Variants in PRKCA observed in about 807,000 individuals in gnomAD.
The protein encoded by PRKCA is protein kinase C alpha, also known as protein kinase C alpha type.
A neutral mutation model predicts 87.0 loss-of-function variants in PRKCA; 27 were observed. That is an observed-to-expected ratio of 0.31 (90% CI 0.23 to 0.43). PRKCA has a LOEUF of 0.43. Ranked by LOEUF, PRKCA falls within the 20% of genes least tolerant of loss-of-function variation. The pLI is 1.00. For missense variants in PRKCA, 518 were observed against 852.3 expected (o/e 0.61, Z 4.88); for synonymous variants, 329 against 311.1 (o/e 1.06, Z -0.61).
intron 13 of PRKCA, among the ~76,000 whole-genome samples, chr17:66,766,453 A>G (rs1974813574): frequency 6.6e-6 from 1 of 152,182 alleles, no homozygotes; most frequent in South Asian, 2.1e-4. Flanking sequence ...TGTAGAATAT[A>G]GGATAGGAAA....
At chr17:66,396,790 C>G (rs747848124) in intron 2 of PRKCA, among the ~76,000 whole-genome samples, 1 of 150,572 alleles carries the variant, frequency 6.6e-6, no homozygotes, top group Admixed American at 6.6e-5. Context: ...CACCATGCCT[C>G]GCCCTGTCAT....
At chr17:66,318,540 G>A (rs574776647) in intron 2 of PRKCA, among the ~76,000 whole-genome samples, 5 of 152,148 alleles carry the variant, frequency 3.3e-5, no homozygotes, top group Admixed American at 3.3e-4. Flanking sequence ...GCTGGAGCGG[G>A]AATAGTTGGT....
intron 8 of PRKCA, among the ~76,000 whole-genome samples, chr17:66,719,711 A>G (rs1973565583): frequency 6.6e-6 from 1 of 152,206 alleles, no homozygotes. Flanking sequence ...AGGTTGCAGC[A>G]AGCCAAGATC....
rs542563235 is a variant in PRKCA, at chr17:66,775,783, T to C, written c.1605+1716T>C. Reference sequence around the variant, plus strand: ...GTATTTATTCACTGAATGCTTACAATGTGCATGGCCATAAGGATGAACAAA... The same window carrying C: ...GTATTTATTCACTGAATGCTTACAACGTGCATGGCCATAAGGATGAACAAA... On this transcript the variant is annotated intron_variant, in intron 14 of 16. Transcript: ENST00000413366. 5 of 982,662 alleles carry C rather than the reference T, an allele frequency of 5.1e-6. No individual in the cohort carries two copies. In the South Asian group the frequency reaches 1.9e-4, roughly 37 times the overall value. 60.9% of individuals were successfully genotyped at this position (982,662 alleles called of 1,614,324 possible).
intron 5 of PRKCA, among the ~76,000 whole-genome samples, chr17:66,656,987 C>A (rs191242834): frequency 6.6e-6 from 1 of 152,316 alleles, no homozygotes; most frequent in Admixed American, 6.5e-5. Flanking sequence ...CATGTATACA[C>A]CTGCTCTGAT....
chr17:66,379,640 C>T (rs552057452), intron 2 of PRKCA, among the ~76,000 whole-genome samples: 11 of 152,038 alleles, frequency 7.2e-5, no homozygotes, highest in African/African-American at 2.4e-4. Context: ...TTTGCCTGTT[C>T]GGTTTTGGAT....
intron 5 of PRKCA, among the ~76,000 whole-genome samples, chr17:66,655,820 T>C (rs368646915): frequency 1.3e-5 from 2 of 151,876 alleles, no homozygotes; most frequent in African/African-American, 4.8e-5. Flanking sequence ...TACATCTGGA[T>C]CAAGTTAAAA....
Position 66,587,893 on chromosome 17 carries a change from GTGTATATA to G in PRKCA, c.289-53460_289-53453del, listed in dbSNP as rs1288629466. Among the ~76,000 whole-genome samples, 69 of 51,630 alleles carry G rather than the reference GTGTATATA, an allele frequency of 1.3e-3. 6 individuals are homozygous for G. The highest frequency in any genetic ancestry group is 4.7e-3 in the African/African-American group (62 of 13,204). 33.9% of individuals were successfully genotyped at this position (51,630 alleles called of 152,430 possible). A position where few individuals can be genotyped will look rare whatever the true frequency, so the allele number is the denominator to read the frequency against. Reference sequence around the variant, plus strand: ...TATGTGTGTGTGTGTGTGTGTGTGTGTGTATATATATATATATATATATATATATATAT... The same window carrying G: ...TATGTGTGTGTGTGTGTGTGTGTGTGTATATATATATATATATATATATAT... On this transcript the variant is annotated intron_variant, in intron 3 of 16. Transcript: ENST00000413366.
Position 66,534,196 on chromosome 17 carries a change from G to A in PRKCA, c.288+37913G>A, listed in dbSNP as rs182280913. 6.4e-3 allele frequency among the ~76,000 whole-genome samples: 974 copies of A among 152,046 alleles called. 30 individuals carry two copies. The highest frequency in any genetic ancestry group is 0.055 in the Admixed American group (843 of 15,262). Reference sequence around the variant, plus strand: ...GTTTTTGTATTTGCATATTCCCCTCGGGTAGGAACTGGGTCAGTTATTATT... The same window carrying A: ...GTTTTTGTATTTGCATATTCCCCTCAGGTAGGAACTGGGTCAGTTATTATT... On this transcript the variant is annotated intron_variant, in intron 3 of 16. Transcript: ENST00000413366.
chr17:66,536,729 C>A (rs1967799298), intron 3 of PRKCA, among the ~76,000 whole-genome samples: 1 of 152,206 alleles, frequency 6.6e-6, no homozygotes, highest in Non-Finnish European at 1.5e-5. Flanking sequence ...ACGAGACAGG[C>A]TCCAACTGCT....
intron 3 of PRKCA, among the ~76,000 whole-genome samples, chr17:66,498,384 C>T (rs537087180): frequency 6.6e-6 from 1 of 152,296 alleles, no homozygotes; most frequent in South Asian, 2.1e-4. Flanking sequence ...CTTCTCTTCT[C>T]TCTCCTCCCA....
intron 2 of PRKCA, among the ~76,000 whole-genome samples, chr17:66,377,716 TA>T (rs1387329379): frequency 0.024 from 1,617 of 66,134 alleles, 41 homozygotes; most frequent in African/African-American, 0.041. Context: ...TATATATATA[TA>T]TATATTTTTT....
intron 8 of PRKCA, among the ~76,000 whole-genome samples, chr17:66,705,926 C>A (rs1451393176): frequency 6.6e-6 from 1 of 152,116 alleles, no homozygotes; most frequent in Non-Finnish European, 1.5e-5. Flanking sequence ...AAAAAACATG[C>A]CCTACAGAGA....
intron 16 of PRKCA, among the ~76,000 whole-genome samples, chr17:66,790,105 G>A (rs1340080319): frequency 6.6e-6 from 1 of 152,188 alleles, no homozygotes; most frequent in Non-Finnish European, 1.5e-5. Context: ...CCTCTGACAG[G>A]TGCCCCATGA....
Position 66,804,912 on chromosome 17 carries a change from C to T in PRKCA, c.*875C>T, listed in dbSNP as rs1975994933. 3.6e-6 allele frequency: 3 copies of T among 837,580 alleles called. No individual in the cohort carries two copies. The highest frequency in any genetic ancestry group is 3.9e-5 in the African/African-American group (2 of 51,606). The allele number at this position is 837,580 out of a possible 1,614,324, so 51.9% of individuals were successfully genotyped here. ...CTCACCAGTGTTGTTCACCAACACC[C>T]ACCCCCACACACACCAACATTTTGC... On this transcript the variant is annotated 3_prime_UTR_variant, in exon 17 of 17. Coordinates refer to ENST00000413366, the MANE Select transcript of PRKCA (RefSeq NM_002737.3).
At chr17:66,418,996 G>A (rs189306522) in intron 2 of PRKCA, among the ~76,000 whole-genome samples, 4 of 150,882 alleles carry the variant, frequency 2.7e-5, no homozygotes, top group African/African-American at 9.8e-5. Context: ...TCCTGACCTC[G>A]TGATCGCCCA....
At chr17:66,731,982 G>A (rs1423722516) in intron 8 of PRKCA, among the ~76,000 whole-genome samples, 1 of 151,262 alleles carries the variant, frequency 6.6e-6, no homozygotes, top group Non-Finnish European at 1.5e-5. Context: ...TAGAGACGGG[G>A]TTTCACCATG....
intron 3 of PRKCA, among the ~76,000 whole-genome samples, chr17:66,534,904 A>T (rs1447422783): frequency 2.0e-5 from 3 of 152,150 alleles, no homozygotes; most frequent in African/African-American, 4.8e-5. Context: ...GAGATTTCTG[A>T]TTGGAATATA....
Position 66,438,065 on chromosome 17 carries a change from A to C in PRKCA, c.206-58136A>C, listed in dbSNP as rs190869798. Among the ~76,000 whole-genome samples, 110 of 152,136 alleles carry C rather than the reference A, an allele frequency of 7.2e-4. 1 individual carries two copies. The highest frequency in any genetic ancestry group is 1.3e-3 in the Admixed American group (20 of 15,276). On this transcript the variant is annotated intron_variant, in intron 2 of 16. Coordinates refer to ENST00000413366, the MANE Select transcript of PRKCA (RefSeq NM_002737.3). ...AGAAACTCCCAAACCCTCAAAGAGG[A>C]TGGGGAACAATGTCCTGAAAGAACA...
Sources: allele counts gnomAD v4.1 joint callset (sites outside exome capture counted in the v4.1 genomes callset), GRCh38; gene constraint gnomAD v4.1.1; transcripts MANE v1.5; gene names NCBI Gene and HGNC (gene_info 2026-07-23, HGNC 2026-07-21).